JARID2: variants seen among roughly 807,000 people sequenced by gnomAD.
The protein encoded by JARID2 is jumonji and AT-rich interaction domain containing 2.
In JARID2, 21 loss-of-function variants were observed where a neutral mutation model predicts 125.6. That is an observed-to-expected ratio of 0.17 (90% CI 0.12 to 0.24). The LOEUF is 0.24. Ranked by LOEUF, JARID2 falls within the 10% of genes least tolerant of loss-of-function variation. The pLI is 1.00. For missense variants in JARID2, 1,303 were observed against 1,639.6 expected, an observed-to-expected ratio of 0.79 and a Z score of 3.55; for synonymous variants, 736 against 661.6, an observed-to-expected ratio of 1.11 and a Z score of -1.73.
At chr6:15,443,332 A>G (rs756081309) in intron 3 of JARID2, among the ~76,000 whole-genome samples, 2 of 152,200 alleles carry the variant, frequency 1.3e-5, no homozygotes, top group Non-Finnish European at 2.9e-5. Context: ...CGTGTTGCCT[A>G]AATGAGTTAC....
chr6:15,436,655 T>TC (rs1767217275), intron 3 of JARID2, among the ~76,000 whole-genome samples: 2 of 152,092 alleles, frequency 1.3e-5, no homozygotes, highest in Non-Finnish European at 2.9e-5. Context: ...ACCTTCCCTA[T>TC]CATTTAAAGG....
chr6:15,504,429 G>A, intron 8 of JARID2, 71 bp from the exon 9 acceptor site: 1 of 1,129,540 alleles, frequency 8.9e-7, no homozygotes, highest in Non-Finnish European at 1.3e-6. Flanking sequence ...GCCCATGACA[G>A]GTGTCTGGCC....
At chr6:15,324,764 C>T (rs1159711943) in intron 1 of JARID2, among the ~76,000 whole-genome samples, 2 of 150,996 alleles carry the variant, frequency 1.3e-5, no homozygotes, top group East Asian at 1.9e-4. Flanking sequence ...GCTGGGATTG[C>T]AAGTGTGAGC....
chr6:15,317,856 C>G (rs550886146), intron 1 of JARID2, among the ~76,000 whole-genome samples: 1 of 152,160 alleles, frequency 6.6e-6, no homozygotes, highest in South Asian at 2.1e-4. Context: ...TTCTTTAATA[C>G]CAGACCCGCT....
chr6:15,283,185 A>G (rs190556655), intron 1 of JARID2, among the ~76,000 whole-genome samples: 1,495 of 147,956 alleles, frequency 0.01, 15 homozygotes, highest in Admixed American at 0.014. Context: ...TCACCGTGTT[A>G]GCCAGGACGG....
At chr6:15,372,308 C>A (rs1313624372) in intron 1 of JARID2, among the ~76,000 whole-genome samples, 2 of 151,990 alleles carry the variant, frequency 1.3e-5, no homozygotes, top group Non-Finnish European at 2.9e-5. Context: ...ACAAAGGGAA[C>A]CTGAATATCC....
intron 1 of JARID2, among the ~76,000 whole-genome samples, chr6:15,279,483 C>T (rs1760669651): frequency 6.6e-6 from 1 of 152,202 alleles, no homozygotes; most frequent in Non-Finnish European, 1.5e-5. Context: ...ATTCCCTGGC[C>T]TCTGGGGTCG....
chr6:15,515,768 A>C (rs143529207), intron 16 of JARID2, among the ~76,000 whole-genome samples: 238 of 139,826 alleles, frequency 1.7e-3, no homozygotes, highest in Middle Eastern at 3.8e-3. Context: ...AAAAAACAAA[A>C]ACAAAAACCA....
At chr6:15,247,989 G>C (rs561715933) in intron 1 of JARID2, 1 of 985,318 alleles carries the variant, frequency 1.0e-6, no homozygotes, top group African/African-American at 1.7e-5. Flanking sequence ...AAAGCAAATG[G>C]GGTAGAACTT....
intron 1 of JARID2, among the ~76,000 whole-genome samples, chr6:15,259,705 G>T (rs1325615295): frequency 6.6e-6 from 1 of 152,210 alleles, no homozygotes; most frequent in Non-Finnish European, 1.5e-5. Context: ...TTTGGTTAAC[G>T]TTCAGTTTTA....
rs543046793 is a variant in JARID2 at position 15,286,631 on chromosome 6, C to T, written c.45+40047C>T. On this transcript the variant is annotated intron_variant, in intron 1 of 17. Coordinates refer to ENST00000341776, the MANE Select transcript of JARID2 (RefSeq NM_004973.4). Reference sequence around the variant, plus strand: ...TTCCCAGCACTTTGGGAGGCCGAGACGGGCGGATCACGAGGTCAGGAGATC... The same window carrying T: ...TTCCCAGCACTTTGGGAGGCCGAGATGGGCGGATCACGAGGTCAGGAGATC... 5.9e-4 allele frequency among the ~76,000 whole-genome samples: 89 copies of T among 151,790 alleles called. 1 individual carries two copies. Among genetic ancestry groups the T allele is most frequent in the South Asian group, 1.2e-3 (6 of 4,806 alleles).
intron 1 of JARID2, among the ~76,000 whole-genome samples, chr6:15,254,864 ACTCCGT>A (rs1759596477): frequency 6.6e-6 from 1 of 151,858 alleles, no homozygotes; most frequent in South Asian, 2.1e-4. Flanking sequence ...ACATGGTGAA[ACTCCGT>A]CTCTACTAAA....
chr6:15,312,408 C>A (rs1762045560), intron 1 of JARID2, among the ~76,000 whole-genome samples: 1 of 152,176 alleles, frequency 6.6e-6, no homozygotes, highest in African/African-American at 2.4e-5. Context: ...TACATGCAGC[C>A]ATTTCAGGTG....
At chr6:15,443,341 A>G (rs1767527045) in intron 3 of JARID2, among the ~76,000 whole-genome samples, 1 of 152,006 alleles carries the variant, frequency 6.6e-6, no homozygotes, top group Non-Finnish European at 1.5e-5. Flanking sequence ...TAAATGAGTT[A>G]CTCCTCATTG....
At chr6:15,345,192 G>C (rs540954351) in intron 1 of JARID2, among the ~76,000 whole-genome samples, 1 of 152,144 alleles carries the variant, frequency 6.6e-6, no homozygotes, top group East Asian at 1.9e-4. Flanking sequence ...ATGTAGATAA[G>C]TTTCTTGTCT....
At chr6:15,400,586 A>G (rs538437408) in intron 2 of JARID2, among the ~76,000 whole-genome samples, 6 of 152,060 alleles carry the variant, frequency 3.9e-5, no homozygotes, top group African/African-American at 9.6e-5. Context: ...CAGAAATTCT[A>G]TACTTCGGAT....
chr6:15,357,845 G>A (rs1468624877), intron 1 of JARID2, among the ~76,000 whole-genome samples: 7 of 152,074 alleles, frequency 4.6e-5, no homozygotes, highest in Admixed American at 2.6e-4. Context: ...GCAGACCCAC[G>A]GACACCCCCT....
At chr6:15,508,485 G>T in intron 12 of JARID2, 31 bp downstream of exon 12, 1 of 1,180,284 alleles carries the variant, frequency 8.5e-7, no homozygotes, top group South Asian at 1.2e-5. Flanking sequence ...GGAAGGGAGG[G>T]ACTGCAGAAA....
chr6:15,382,862 C>G (rs115424982), intron 2 of JARID2, among the ~76,000 whole-genome samples: 1 of 152,192 alleles, frequency 6.6e-6, no homozygotes, highest in East Asian at 1.9e-4. Context: ...TCTCTCTGCC[C>G]GCCTCCTTTG....
Sources: gnomAD v4.1 joint callset for allele counts (sites outside exome capture counted in the v4.1 genomes callset) on GRCh38, gnomAD v4.1.1 for gene constraint, MANE v1.5 for transcripts, NCBI Gene and HGNC (gene_info 2026-07-23, HGNC 2026-07-21) for gene names.